PRR14L: variants seen among roughly 807,000 people sequenced by gnomAD.
The protein encoded by PRR14L is protein PRR14L.
Under a neutral mutation model 155.0 loss-of-function variants are expected in PRR14L, and 80 were observed. The observed-to-expected ratio is 0.52, with a 90% CI of 0.43 to 0.62. PRR14L has a LOEUF of 0.62. Ranked by LOEUF, PRR14L falls within the 20% of genes least tolerant of loss-of-function variation. The probability of loss-of-function intolerance (pLI) is 0.00; values close to 1 mark genes in which losing one functional copy is unlikely to be tolerated. For synonymous variants in PRR14L, 883 were observed against 916.0 expected (o/e 0.96, Z 0.65); for missense variants, 2,469 against 2,548.0 (o/e 0.97, Z 0.67).
chr22:31,734,334 A>G (rs1388541807), intron 2 of PRR14L, among the ~76,000 whole-genome samples: 5 of 152,154 alleles, frequency 3.3e-5, no homozygotes, highest in Non-Finnish European at 7.3e-5. Context: ...TTCTTCATGT[A>G]TTACAGATAT....
chr22:31,688,347 T>A, intron 7 of PRR14L, 120 bp from the exon 8 acceptor site: 1 of 1,271,702 alleles, frequency 7.9e-7, no homozygotes, highest in Non-Finnish European at 1.0e-6. Context: ...ACTGCAGCCT[T>A]AAACTCTAGC....
Position 31,712,506 on chromosome 22 carries a change from A to C in PRR14L, c.5333T>G (p.Phe1778Cys). ...ACTATGGACGCCAGTGTCTTCCCTG[A>C]ATGTTGCCATCCCAGGGCAACCGTG... is the stretch of plus-strand genomic sequence containing the variant. Reference protein sequence around the residue: ...LSHGCPGMATFREDTGVHSQT... With the variant: ...LSHGCPGMATCREDTGVHSQT... The change falls in exon 4 of 9, where the codon TTC becomes TGC. Residue 1778 changes from phenylalanine to cysteine, a missense_variant. Transcript: ENST00000327423. 2 of 1,551,924 alleles carry C rather than the reference A, an allele frequency of 1.3e-6. No homozygotes were observed. Among genetic ancestry groups the C allele is most frequent in the Non-Finnish European group, 1.7e-6 (2 of 1,147,048 alleles).
intron 2 of PRR14L, among the ~76,000 whole-genome samples, chr22:31,736,925 C>G (rs2074784946): frequency 6.7e-6 from 1 of 149,622 alleles, no homozygotes; most frequent in African/African-American, 2.5e-5. Context: ...GTAATCCCAG[C>G]TATTCAGGAG....
At chr22:31,691,244 G>A (rs2074510287) in intron 7 of PRR14L, among the ~76,000 whole-genome samples, 1 of 152,142 alleles carries the variant, frequency 6.6e-6, no homozygotes, top group South Asian at 2.1e-4. Context: ...TGGGATCACA[G>A]GCATGTCGGG....
In PRR14L at chr22:31,712,254, C is replaced by A; in HGVS notation, c.5585G>T (p.Gly1862Val). ...TGCTATGGAGGCTGGAGACCGTAAC[C>A]CTTTCAGGCCCTGTGTAAACTGGGT... ...FMTQFTQGLK[G>V]LRSPASIADK... Residue 1862 changes from glycine to valine, a missense_variant, in exon 4 of 9, where the codon GGG becomes GTG. Coordinates refer to ENST00000327423, the MANE Select transcript of PRR14L (RefSeq NM_173566.3). 1 of 1,614,168 alleles carries A rather than the reference C, an allele frequency of 6.2e-7. No homozygotes were observed. Among genetic ancestry groups the A allele is most frequent in the Non-Finnish European group, 8.5e-7 (1 of 1,180,032 alleles).
chr22:31,720,660 CG>C (rs2074684920), intron 3 of PRR14L, among the ~76,000 whole-genome samples: 1 of 152,114 alleles, frequency 6.6e-6, no homozygotes, highest in African/African-American at 2.4e-5. Flanking sequence ...GCTTGAGCCC[CG>C]GAAGCGAAGG....
chr22:31,714,940 C>G lies in PRR14L; in HGVS notation c.2899G>C (p.Asp967His), dbSNP rs542061199. The G allele has an allele frequency of 1.6e-5, 25 of 1,551,966 alleles. No homozygotes were observed. In the Admixed American group the frequency reaches 4.9e-4, roughly 30 times the overall value. ...KSVETLDQKA[D>H]EVLDCQSNQN... ...TTACTCTGACAGTCAAGGACTTCAT[C>G]TGCCTTCTGATCGAGTGTTTCAACT... is the stretch of plus-strand genomic sequence containing the variant. The change falls in exon 4 of 9, where the codon GAT (aspartate) becomes CAT (histidine). Residue 967 changes from aspartate (D) to histidine (H), a missense_variant. Physicochemically the swap from Asp to His is moderately conservative, Grantham distance 81. Transcript: ENST00000327423.
At chr22:31,745,173 C>G (rs142883119) in intron 1 of PRR14L, among the ~76,000 whole-genome samples, 2 of 152,050 alleles carry the variant, frequency 1.3e-5, no homozygotes, top group Non-Finnish European at 2.9e-5. Flanking sequence ...GTCAGGAGAT[C>G]GAGACCATCC....
Position 31,685,408 on chromosome 22 carries a change from T to A in PRR14L, c.*119A>T, listed in dbSNP as rs2074477239. 1 of 831,762 alleles carries A rather than the reference T, an allele frequency of 1.2e-6. No homozygotes were observed. The highest frequency in any genetic ancestry group is 1.7e-5 in the African/African-American group (1 of 57,772). 51.5% of individuals were successfully genotyped at this position (831,762 alleles called of 1,614,324 possible). A position where few individuals can be genotyped will look rare whatever the true frequency, so the allele number is the denominator to read the frequency against. On this transcript the variant is annotated 3_prime_UTR_variant, in exon 9 of 9. Transcript: ENST00000327423. ...CATGGACTGTGCATTTTTGAGTGGT[T>A]TGGCGGTAGGGCAAAATTAGGCAAC...
At chr22:31,705,927 G>A (rs1324144450) in intron 4 of PRR14L, among the ~76,000 whole-genome samples, 1 of 151,980 alleles carries the variant, frequency 6.6e-6, no homozygotes, top group Non-Finnish European at 1.5e-5. Context: ...CTTGAACCCG[G>A]GAGGAGGAGA....
Position 31,713,268 on chromosome 22 carries a change from C to T in PRR14L, c.4571G>A (p.Arg1524Gln), listed in dbSNP as rs373090316. The T allele has an allele frequency of 3.9e-6, 6 of 1,552,132 alleles. No individual in the cohort carries two copies. In the South Asian group the frequency reaches 4.8e-5, roughly 12 times the overall value. Residue 1524 changes from arginine to glutamine, a missense_variant, in exon 4 of 9, where the codon CGA becomes CAA. This residue lies in a region of PRR14L where 2,363 missense variants were observed against 2,371.6 expected (regional missense o/e 1.00). Transcript: ENST00000327423. ...CTGATAGGAAACTTTCTTACAAGTT[C>T]GATGGGGCTGCTTCTTTAAGGGAAG... Reference protein sequence around the residue: ...GVLPLKKQPHRTCKKVSYQEQ... With the variant: ...GVLPLKKQPHQTCKKVSYQEQ...
At chr22:31,690,680 C>G (rs1316935498) in intron 7 of PRR14L, among the ~76,000 whole-genome samples, 1 of 150,294 alleles carries the variant, frequency 6.7e-6, no homozygotes, top group Non-Finnish European at 1.5e-5. Flanking sequence ...CTTGCTCTGT[C>G]GCCCAGGCTG....
At chr22:31,711,282 G>A (rs149364340) in intron 4 of PRR14L, among the ~76,000 whole-genome samples, 4,878 of 152,078 alleles carry the variant, frequency 0.032, 121 homozygotes, top group Non-Finnish European at 0.047. Context: ...AGACCAGCCT[G>A]GCCAACATGG....
intron 2 of PRR14L, 116 bp from the exon 3 acceptor site, chr22:31,725,726 T>C: frequency 6.0e-6 from 4 of 667,458 alleles, no homozygotes; most frequent in South Asian, 4.1e-5. Flanking sequence ...TGAAGTGCAA[T>C]GGTTAGATCG....
chr22:31,688,777 CTA>C (rs1321099018), intron 7 of PRR14L, among the ~76,000 whole-genome samples: 2 of 151,708 alleles, frequency 1.3e-5, no homozygotes. Context: ...GACTAGAAAA[CTA>C]TATATTCTGT....
At chr22:31,735,132 G>A (rs2074771469) in intron 2 of PRR14L, among the ~76,000 whole-genome samples, 1 of 152,148 alleles carries the variant, frequency 6.6e-6, no homozygotes, top group African/African-American at 2.4e-5. Flanking sequence ...AGGGAGAAAA[G>A]GAATGATTTT....
intron 8 of PRR14L, among the ~76,000 whole-genome samples, chr22:31,686,607 T>A (rs1290819722): frequency 6.6e-6 from 1 of 152,112 alleles, no homozygotes; most frequent in Admixed American, 6.6e-5. Flanking sequence ...AAAAAGAATT[T>A]TTTTTTTGTA....
chr22:31,703,682 G>C lies in PRR14L; in HGVS notation c.5868C>G (p.Cys1956Trp). The C allele has an allele frequency of 1.2e-6, 2 of 1,608,028 alleles. No individual in the cohort carries two copies. Among genetic ancestry groups the C allele is most frequent in the Non-Finnish European group, 1.7e-6 (2 of 1,176,660 alleles). ...PPFPALVPKS[C>W]LVAESAVSKL... ...TGCTGACAGCTGATTCTGCTACCAA[G>C]CAAGACTTTGGTACCAAGGCAGGGA... is the stretch of plus-strand genomic sequence containing the variant. The change falls in exon 6 of 9, where the codon TGC (cysteine) becomes TGG (tryptophan). Residue 1956 changes from cysteine (C) to tryptophan (W), a missense_variant. By Grantham distance (215) the Cys-to-Trp change is radical. Around this residue, in one of 2 missense-constraint regions of PRR14L, gnomAD observed 2,363 missense variants for 2,371.6 expected, o/e 1.00. Transcript: ENST00000327423.
At chr22:31,704,800 G>T in intron 4 of PRR14L, 74 bp from the exon 5 acceptor site, 2 of 1,153,726 alleles carry the variant, frequency 1.7e-6, no homozygotes, top group Non-Finnish European at 2.6e-6. Flanking sequence ...ATGTTATTGT[G>T]GGTATTAGCA....
Sources: allele counts gnomAD v4.1 joint callset (sites outside exome capture counted in the v4.1 genomes callset), GRCh38; gene constraint gnomAD v4.1.1; regional missense constraint gnomAD v4.1.1; transcripts MANE v1.5; gene names NCBI Gene and HGNC (gene_info 2026-07-23, HGNC 2026-07-21).